The following PPM1L variants were observed in gnomAD, a reference collection of about 807,000 sequenced individuals.
PPM1L encodes the protein protein phosphatase, Mg2+/Mn2+ dependent 1L, also known as protein phosphatase 1L.
PPM1L carries 13 observed loss-of-function variants against 31.4 expected under a neutral mutation model. The ratio of observed to expected loss-of-function variants is 0.41; its 90% CI spans 0.27 to 0.66. The LOEUF (loss-of-function observed/expected upper bound fraction) is 0.66, where lower values mean the gene tolerates loss of function less well. Ranked by LOEUF, PPM1L falls within the 30% of genes least tolerant of loss-of-function variation. The probability of loss-of-function intolerance (pLI) is 0.29; values close to 1 mark genes in which losing one functional copy is unlikely to be tolerated. For missense variants in PPM1L, 326 were observed against 453.7 expected (o/e 0.72, Z 2.56); for synonymous variants, 184 against 175.4 (o/e 1.05, Z -0.39).
Position 161,076,106 on chromosome 3 carries a change from A to G in PPM1L, c.*6949A>G, listed in dbSNP as rs1407572040. On this transcript the variant is annotated 3_prime_UTR_variant, in exon 4 of 4. Coordinates refer to ENST00000498165, the MANE Select transcript of PPM1L (RefSeq NM_139245.4). ...GAGTGATTTGATATTCTTGCTTCTT[A>G]GAGAGTTTTCTAATCCATATAATGC... The G allele has an allele frequency of 6.6e-6, 1 of 151,972 alleles. No homozygotes were observed. Among genetic ancestry groups the G allele is most frequent in the Non-Finnish European group, 1.5e-5 (1 of 68,032 alleles). The allele number at this position is 151,972 out of a possible 1,614,324, so 9.4% of individuals were successfully genotyped here.
intron 2 of PPM1L, among the ~76,000 whole-genome samples, chr3:160,975,196 T>C (rs1292477735): frequency 1.3e-5 from 2 of 152,278 alleles, no homozygotes; most frequent in East Asian, 3.9e-4. Flanking sequence ...TATGCGGCGT[T>C]ATTTCTGAGG....
At chr3:160,834,023 T>TA (rs1713614215) in intron 1 of PPM1L, among the ~76,000 whole-genome samples, 1 of 144,806 alleles carries the variant, frequency 6.9e-6, no homozygotes, top group African/African-American at 2.7e-5. Flanking sequence ...CCAGGAATTT[T>TA]TTTTTTTTTT....
At chr3:160,805,267 A>G (rs1335746778) in intron 1 of PPM1L, among the ~76,000 whole-genome samples, 3 of 152,028 alleles carry the variant, frequency 2.0e-5, no homozygotes, top group African/African-American at 4.8e-5. Flanking sequence ...TTTTTCTTCT[A>G]TTATTGAAAG....
chr3:160,772,417 T>A (rs1399379056), intron 1 of PPM1L, among the ~76,000 whole-genome samples: 1 of 152,222 alleles, frequency 6.6e-6, no homozygotes, highest in East Asian at 1.9e-4. Context: ...GCTTGGCTGG[T>A]GTTCCTCCTT....
At chr3:161,064,796 G>A (rs756643158) in intron 2 of PPM1L, among the ~76,000 whole-genome samples, 12 of 152,052 alleles carry the variant, frequency 7.9e-5, no homozygotes, top group Non-Finnish European at 1.6e-4. Context: ...CCTCAGTTCT[G>A]TCAACACCAG....
chr3:160,980,913 A>G (rs1235564908), intron 2 of PPM1L, among the ~76,000 whole-genome samples: 6 of 152,116 alleles, frequency 3.9e-5, no homozygotes, highest in Non-Finnish European at 7.4e-5. Context: ...TTGCTGTTAC[A>G]TGACGTAGCA....
chr3:160,836,339 A>C (rs1310798225), intron 1 of PPM1L, among the ~76,000 whole-genome samples: 1 of 152,070 alleles, frequency 6.6e-6, no homozygotes, highest in African/African-American at 2.4e-5. Flanking sequence ...AGAGAGAGAG[A>C]GAGAAAGAGA....
rs554116821 is a variant in PPM1L at position 160,762,227 on chromosome 3, T to G, written c.399+5520T>G. Among the ~76,000 whole-genome samples, 727 of 152,350 alleles carry G rather than the reference T, an allele frequency of 4.8e-3. 11 individuals carry two copies. The highest frequency in any genetic ancestry group is 0.016 in the African/African-American group (685 of 41,580). On this transcript the variant is annotated intron_variant, in intron 1 of 3. Transcript: ENST00000498165. Reference sequence around the variant, plus strand: ...ATGTATAAGAGGCCTAGGGATTTAGTATGGACAAATGCCTTATGGTTTAAG... The same window carrying G: ...ATGTATAAGAGGCCTAGGGATTTAGGATGGACAAATGCCTTATGGTTTAAG...
rs1331649677 is a variant in PPM1L at position 161,075,431 on chromosome 3, C to A, written c.*6274C>A. 6.6e-6 allele frequency: 1 copy of A among 152,126 alleles called. No homozygotes were observed. The highest frequency in any genetic ancestry group is 1.5e-5 in the Non-Finnish European group (1 of 68,014). The allele number at this position is 152,126 out of a possible 1,614,324, so 9.4% of individuals were successfully genotyped here. A position where few individuals can be genotyped will look rare whatever the true frequency, so the allele number is the denominator to read the frequency against. ...AAAAGGCAGTTGTTACCACTTTTCA[C>A]CATTCAAAAAATGGGCTTGTCTCTT... On this transcript the variant is annotated 3_prime_UTR_variant, in exon 4 of 4. Coordinates refer to ENST00000498165, the MANE Select transcript of PPM1L (RefSeq NM_139245.4).
At chr3:160,797,937 T>G (rs1231770340) in intron 1 of PPM1L, among the ~76,000 whole-genome samples, 1 of 152,182 alleles carries the variant, frequency 6.6e-6, no homozygotes, top group African/African-American at 2.4e-5. Context: ...CCCAGCACTT[T>G]GGGAGGCCAA....
At chr3:160,896,778 C>A (rs987994771) in intron 1 of PPM1L, among the ~76,000 whole-genome samples, 6 of 152,150 alleles carry the variant, frequency 3.9e-5, no homozygotes, top group African/African-American at 1.4e-4. Context: ...TTGACAGAAT[C>A]ATAACTCAAG....
intron 2 of PPM1L, among the ~76,000 whole-genome samples, chr3:161,063,521 C>A (rs1455834636): frequency 6.6e-6 from 1 of 151,818 alleles, no homozygotes; most frequent in Non-Finnish European, 1.5e-5. Flanking sequence ...TGTGTTTATT[C>A]TTTATGTCTA....
intron 1 of PPM1L, among the ~76,000 whole-genome samples, chr3:160,779,938 C>T (rs1711687158): frequency 6.6e-6 from 1 of 151,998 alleles, no homozygotes; most frequent in Non-Finnish European, 1.5e-5. Context: ...GTATGTACCT[C>T]ATAGGACTGT....
chr3:161,030,037 G>A (rs1718514846), intron 2 of PPM1L, among the ~76,000 whole-genome samples: 1 of 152,214 alleles, frequency 6.6e-6, no homozygotes, highest in East Asian at 1.9e-4. Context: ...TACCGTGGGA[G>A]TAGACTTTGA....
intron 2 of PPM1L, among the ~76,000 whole-genome samples, chr3:161,009,597 A>G (rs527471975): frequency 6.6e-6 from 1 of 152,322 alleles, no homozygotes; most frequent in South Asian, 2.1e-4. Context: ...CTTAAAATGC[A>G]GTGAACCTAT....
In PPM1L at chr3:160,933,248, A is replaced by C. The variant is rs373468695; in HGVS notation, c.400-28488A>C. On this transcript the variant is annotated intron_variant, in intron 1 of 3. Coordinates refer to ENST00000498165, the MANE Select transcript of PPM1L (RefSeq NM_139245.4). ...GCACAGAAAGCAATTTGTTGTTTTT[A>C]TTTTATTATAATTTGAAATGCTATA... is the stretch of plus-strand genomic sequence containing the variant. Among the ~76,000 whole-genome samples the C allele has an allele frequency of 3.6e-4, 54 of 152,042 alleles. 1 individual carries two copies. In the South Asian group the frequency reaches 0.011, roughly 30 times the overall value.
chr3:161,050,188 G>A (rs747439130), intron 2 of PPM1L, among the ~76,000 whole-genome samples: 2 of 152,194 alleles, frequency 1.3e-5, no homozygotes, highest in East Asian at 1.9e-4. Flanking sequence ...AAAACAGGGA[G>A]TCAGTAAGGT....
At position 161,006,706 on chromosome 3, in the gene PPM1L, G is replaced by A. The variant is rs1310244082; in HGVS notation, c.574+44796G>A. Among the ~76,000 whole-genome samples the A allele has an allele frequency of 3.9e-5, 5 of 128,684 alleles. No individual in the cohort carries two copies. The East Asian group carries it at 7.0e-4, about 18-fold the overall frequency. 84.4% of individuals were successfully genotyped at this position (128,684 alleles called of 152,430 possible). On this transcript the variant is annotated intron_variant, in intron 2 of 3. Coordinates refer to ENST00000498165, the MANE Select transcript of PPM1L (RefSeq NM_139245.4). ...TTTTTTTTTTTTTTTTTTTTGAGACGGAGTCTTGATCTGTCGCCCAGGCTG... is the reference window on the plus strand; with the variant it reads ...TTTTTTTTTTTTTTTTTTTTGAGACAGAGTCTTGATCTGTCGCCCAGGCTG...
chr3:161,077,196 AATT>A lies in PPM1L; in HGVS notation c.*8043_*8045del, dbSNP rs1375182606. ...TGTTGGGACAGGGCAGAATTAGAATAATTATTTCTCACATATAAGAGTAAGTGA... is the reference window on the plus strand; with the variant it reads ...TGTTGGGACAGGGCAGAATTAGAATAATTTCTCACATATAAGAGTAAGTGA... On this transcript the variant is annotated 3_prime_UTR_variant, in exon 4 of 4. Transcript: ENST00000498165. 1 of 152,246 alleles carries A rather than the reference AATT, an allele frequency of 6.6e-6. No individual in the cohort carries two copies. The highest frequency in any genetic ancestry group is 1.5e-5 in the Non-Finnish European group (1 of 68,046). 9.4% of individuals were successfully genotyped at this position (152,246 alleles called of 1,614,324 possible). A position where few individuals can be genotyped will look rare whatever the true frequency, so the allele number is the denominator to read the frequency against.
Sources: gnomAD v4.1 joint callset for allele counts (sites outside exome capture counted in the v4.1 genomes callset) on GRCh38, gnomAD v4.1.1 for gene constraint, MANE v1.5 for transcripts, NCBI Gene and HGNC (gene_info 2026-07-23, HGNC 2026-07-21) for gene names.